Variants in TRMT11 observed in about 807,000 individuals in gnomAD.
TRMT11 encodes tRNA methyltransferase 11.
A neutral mutation model predicts 62.8 loss-of-function variants in TRMT11; 53 were observed. The observed-to-expected ratio is 0.84, with a 90% CI of 0.68 to 1.06. The LOEUF (loss-of-function observed/expected upper bound fraction) is 1.06, where lower values mean the gene tolerates loss of function less well. TRMT11 is among the 50% of genes least tolerant of loss of function. TRMT11 has a pLI of 0.00. For synonymous variants in TRMT11, 188 were observed against 190.3 expected (o/e 0.99, Z 0.10); for missense variants, 556 against 553.4 (o/e 1.00, Z -0.05).
intron 21 of TRMT11, among the ~76,000 whole-genome samples, chr6:126,154,414 C>T (rs958865355): frequency 6.6e-6 from 1 of 151,796 alleles, no homozygotes; most frequent in African/African-American, 2.4e-5. Flanking sequence ...CGGGTGATAG[C>T]ATGAACCCTT....
chr6:126,258,642 A>T, the TRMT11 span, among the ~76,000 whole-genome samples: 1 of 152,156 alleles, frequency 6.6e-6, no homozygotes, highest in African/African-American at 2.4e-5. Context: ...CATTTCTTCT[A>T]TGTTATCAAA....
intron 12 of TRMT11, among the ~76,000 whole-genome samples, chr6:126,032,402 C>T (rs150898561): frequency 6.6e-6 from 1 of 152,272 alleles, no homozygotes; most frequent in African/African-American, 2.4e-5. Flanking sequence ...TTCCCTTTTG[C>T]TTACCAGTTG....
At chr6:126,128,008 G>A (rs575708420) in intron 21 of TRMT11, among the ~76,000 whole-genome samples, 28 of 152,144 alleles carry the variant, frequency 1.8e-4, no homozygotes, top group African/African-American at 6.5e-4. Flanking sequence ...AATATTGTAC[G>A]TGCTTTAGAA....
At chr6:126,084,160 G>A (rs1390848480) in intron 17 of TRMT11, among the ~76,000 whole-genome samples, 2 of 152,178 alleles carry the variant, frequency 1.3e-5, no homozygotes, top group East Asian at 3.9e-4. Flanking sequence ...TTCTTTAGAA[G>A]TCTCCATACT....
At chr6:126,017,834 T>G (rs1228446660) in intron 11 of TRMT11, among the ~76,000 whole-genome samples, 2 of 152,354 alleles carry the variant, frequency 1.3e-5, no homozygotes, top group Admixed American at 1.3e-4. Context: ...ATGACCCAGA[T>G]TATGTGTTGC....
intron 12 of TRMT11, among the ~76,000 whole-genome samples, chr6:126,023,596 C>A (rs548110219): frequency 6.6e-6 from 1 of 152,030 alleles, no homozygotes; most frequent in Non-Finnish European, 1.5e-5. Context: ...TGCAGTGAGC[C>A]GAGATTGCAT....
chr6:126,014,046 A>C (rs1354380691), intron 11 of TRMT11, among the ~76,000 whole-genome samples: 1 of 152,226 alleles, frequency 6.6e-6, no homozygotes, highest in Admixed American at 6.5e-5. Context: ...GATTATGTTC[A>C]GCATTATTGC....
chr6:126,238,617 T>G, the TRMT11 span, among the ~76,000 whole-genome samples: 15 of 152,208 alleles, frequency 9.9e-5, no homozygotes, highest in African/African-American at 3.1e-4. Context: ...TGCTGAGGAG[T>G]GCTTTACTTC....
rs145198170 is a variant in TRMT11 at position 126,079,277 on chromosome 6, A to G, written c.*1437+26087A>G. ...TTAAAAATAATGGCTGTATTCAACA[A>G]TTGGCTCATGAAACTTCTGCAAATT... On this transcript the variant is annotated intron_variant and NMD_transcript_variant, in intron 17 of 22. Transcript: ENST00000648977. Among the ~76,000 whole-genome samples the G allele has an allele frequency of 1.6e-4, 24 of 152,288 alleles. No individual in the cohort carries two copies. In the East Asian group the frequency reaches 4.6e-3, roughly 29 times the overall value.
At chr6:126,267,915 C>A in the TRMT11 span, among the ~76,000 whole-genome samples, 5 of 151,636 alleles carry the variant, frequency 3.3e-5, no homozygotes, top group African/African-American at 1.2e-4. Flanking sequence ...AGATTTAGAA[C>A]CATAATGTCA....
downstream of TRMT11, among the ~76,000 whole-genome samples, chr6:126,204,070 A>T (rs1246269390): frequency 1.3e-5 from 2 of 152,304 alleles, no homozygotes; most frequent in East Asian, 3.9e-4. Flanking sequence ...TTCCATGTGC[A>T]AGAAAACTGT....
intron 1 of TRMT11, among the ~76,000 whole-genome samples, chr6:126,195,938 A>G (rs543829031): frequency 6.6e-6 from 1 of 152,298 alleles, no homozygotes; most frequent in South Asian, 2.1e-4. Context: ...TCTTGTGGCT[A>G]TGAGGGCTGC....
chr6:126,042,792 G>A (rs74692330), downstream of TRMT11, among the ~76,000 whole-genome samples: 200 of 152,240 alleles, frequency 1.3e-3, 4 homozygotes, highest in East Asian at 0.036. Context: ...AAAAGGCTGA[G>A]GAGAAAATTA....
chr6:126,249,536 C>A, the TRMT11 span, among the ~76,000 whole-genome samples: 1 of 152,080 alleles, frequency 6.6e-6, no homozygotes, highest in Non-Finnish European at 1.5e-5. Flanking sequence ...TATAAGAAGA[C>A]AAGTGTTATA....
intron 17 of TRMT11, among the ~76,000 whole-genome samples, chr6:126,060,436 A>T (rs1325657119): frequency 6.6e-6 from 1 of 152,206 alleles, no homozygotes; most frequent in Non-Finnish European, 1.5e-5. Flanking sequence ...GAAAGGCCAG[A>T]GGGGCCTTGC....
chr6:126,202,601 C>T (rs148688878), downstream of TRMT11, among the ~76,000 whole-genome samples: 821 of 152,146 alleles, frequency 5.4e-3, 8 homozygotes, highest in African/African-American at 0.019. Flanking sequence ...TTCAGCCCAT[C>T]GCCTGATTTC....
intron 21 of TRMT11, among the ~76,000 whole-genome samples, chr6:126,136,165 G>A (rs1777847286): frequency 6.6e-6 from 1 of 151,514 alleles, no homozygotes; most frequent in African/African-American, 2.4e-5. Context: ...AGAAATAAAG[G>A]ACATCCAAAT....
chr6:126,157,850 C>A (rs578146485), intron 21 of TRMT11, among the ~76,000 whole-genome samples: 94 of 152,232 alleles, frequency 6.2e-4, no homozygotes, highest in Non-Finnish European at 1.2e-3. Flanking sequence ...TTAGTCTTTA[C>A]ATTTTTAAAT....
intron 21 of TRMT11, among the ~76,000 whole-genome samples, chr6:126,136,464 C>A (rs924502242): frequency 1.3e-5 from 2 of 151,536 alleles, no homozygotes; most frequent in Admixed American, 1.3e-4. Flanking sequence ...TGTGAAAAAT[C>A]TCTGTGAGGC....
Sources: allele counts gnomAD v4.1 joint callset (sites outside exome capture counted in the v4.1 genomes callset), GRCh38; gene constraint gnomAD v4.1.1; transcripts MANE v1.5; gene names NCBI Gene and HGNC (gene_info 2026-07-23, HGNC 2026-07-21).